Variants in NSUN6 observed in about 807,000 individuals in gnomAD.
NSUN6 encodes the protein NOP2/Sun RNA methyltransferase 6.
Under a neutral mutation model 58.0 loss-of-function variants are expected in NSUN6, and 64 were observed. The observed-to-expected ratio is 1.10, with a 90% CI of 0.90 to 1.36. The LOEUF (loss-of-function observed/expected upper bound fraction) is 1.36, where lower values mean the gene tolerates loss of function less well. Ranked by LOEUF, NSUN6 falls within the 40% of genes most tolerant of loss-of-function variation. The probability of loss-of-function intolerance (pLI) is 0.00; values close to 1 mark genes in which losing one functional copy is unlikely to be tolerated. For missense variants in NSUN6, 701 were observed against 550.1 expected, an observed-to-expected ratio of 1.27 and a Z score of -2.74; for synonymous variants, 231 against 193.9, an observed-to-expected ratio of 1.19 and a Z score of -1.59.
intron 8 of NSUN6, among the ~76,000 whole-genome samples, chr10:18,584,528 G>A (rs1459173639): frequency 6.6e-6 from 1 of 152,070 alleles, no homozygotes; most frequent in African/African-American, 2.4e-5. Context: ...ACAAACTTCA[G>A]AGAAACTTGT....
chr10:18,655,994 C>G (rs1590216925), upstream of NSUN6, among the ~76,000 whole-genome samples: 1 of 152,152 alleles, frequency 6.6e-6, no homozygotes, highest in Non-Finnish European at 1.5e-5. Flanking sequence ...TATGGCTTCT[C>G]TTTGTAAACA....
At chr10:18,580,067 A>C (rs2056837838) in intron 8 of NSUN6, among the ~76,000 whole-genome samples, 1 of 152,152 alleles carries the variant, frequency 6.6e-6, no homozygotes, top group Admixed American at 6.5e-5. Flanking sequence ...GTAATTTAGG[A>C]ACAATTTTGT....
chr10:18,602,319 C>T (rs1158683337), intron 6 of NSUN6, among the ~76,000 whole-genome samples: 1 of 151,474 alleles, frequency 6.6e-6, no homozygotes, highest in Admixed American at 6.6e-5. Flanking sequence ...TCTCGGCTCA[C>T]TGCAAGCTCC....
At chr10:18,556,324 G>A (rs558984327) in intron 8 of NSUN6, among the ~76,000 whole-genome samples, 315 of 151,434 alleles carry the variant, frequency 2.1e-3, no homozygotes, top group Non-Finnish European at 3.1e-3. Context: ...AGAATGGAAT[G>A]GGGAATGTAA....
chr10:18,639,445 G>C (rs975927631), intron 3 of NSUN6, among the ~76,000 whole-genome samples: 7 of 152,072 alleles, frequency 4.6e-5, no homozygotes, highest in African/African-American at 1.7e-4. Flanking sequence ...AGTGAACCAA[G>C]GTCACATCAC....
At chr10:18,608,855 C>T (rs894934911) in intron 6 of NSUN6, among the ~76,000 whole-genome samples, 1 of 152,032 alleles carries the variant, frequency 6.6e-6, no homozygotes, top group South Asian at 2.1e-4. Flanking sequence ...AATTAGCAAA[C>T]GAAAATTCCC....
chr10:18,655,653 G>A (rs772053663), upstream of NSUN6, among the ~76,000 whole-genome samples: 6 of 152,192 alleles, frequency 3.9e-5, no homozygotes, highest in Non-Finnish European at 8.8e-5. Flanking sequence ...TGGGACTGTA[G>A]TAAAGAGGGG....
chr10:18,627,397 A>G (rs909345654), intron 3 of NSUN6, among the ~76,000 whole-genome samples: 11 of 152,200 alleles, frequency 7.2e-5, no homozygotes, highest in Non-Finnish European at 1.3e-4. Context: ...GGGGAGAAAA[A>G]AGAATAAAAA....
intron 3 of NSUN6, among the ~76,000 whole-genome samples, chr10:18,624,619 G>T (rs1270607285): frequency 1.7e-4 from 23 of 138,036 alleles, no homozygotes; most frequent in Non-Finnish European, 2.3e-4. Context: ...CTGAACTTCA[G>T]CCTGGGAGAC....
Position 18,636,683 on chromosome 10 carries a change from G to C in NSUN6, c.311+5793C>G, listed in dbSNP as rs538955507. 9.5e-4 allele frequency among the ~76,000 whole-genome samples: 145 copies of C among 152,180 alleles called. 1 individual carries two copies. The highest frequency in any genetic ancestry group is 7.6e-4 in the Non-Finnish European group (52 of 68,002). On this transcript the variant is annotated intron_variant, in intron 3 of 10. Coordinates refer to ENST00000377304, the MANE Select transcript of NSUN6 (RefSeq NM_182543.5). ...TGGAGGCGGGCAGATCACAAGGTCA[G>C]GAGTTCGAGACCAGCCTGGCCAATA...
At chr10:18,577,471 G>A (rs781469013) in intron 8 of NSUN6, among the ~76,000 whole-genome samples, 3 of 152,010 alleles carry the variant, frequency 2.0e-5, no homozygotes, top group African/African-American at 7.3e-5. Context: ...GTCATATCAC[G>A]CATCCATGGG....
intron 7 of NSUN6, among the ~76,000 whole-genome samples, chr10:18,592,359 A>T (rs1310517663): frequency 6.6e-6 from 1 of 152,202 alleles, no homozygotes; most frequent in African/African-American, 2.4e-5. Flanking sequence ...TAGCAGAATT[A>T]GAAAAAAATA....
At chr10:18,649,350 C>T (rs2059638687) in intron 1 of NSUN6, among the ~76,000 whole-genome samples, 1 of 152,108 alleles carries the variant, frequency 6.6e-6, no homozygotes. Context: ...CTTCACAAAC[C>T]ACTTGTTAGC....
rs557162848 is a variant in NSUN6, at chr10:18,621,550, G to T, written c.312-5257C>A. On this transcript the variant is annotated intron_variant, in intron 3 of 10. Transcript: ENST00000377304. ...TACTAGGAAAACTAAAAGAGCAAAC[G>T]TAAAAGTTGGTGCAAGGCCATAAAA... is the stretch of plus-strand genomic sequence containing the variant. Among the ~76,000 whole-genome samples the T allele has an allele frequency of 1.1e-3, 167 of 152,228 alleles. 2 individuals carry two copies. Among genetic ancestry groups the T allele is most frequent in the Admixed American group, 3.7e-3 (56 of 15,294 alleles).
upstream of NSUN6, among the ~76,000 whole-genome samples, chr10:18,656,963 A>G (rs1297452432): frequency 2.0e-5 from 3 of 151,594 alleles, no homozygotes; most frequent in Non-Finnish European, 4.4e-5. Flanking sequence ...ATTAGTCGGG[A>G]CTACACATGT....
At chr10:18,627,881 A>AAG in intron 3 of NSUN6, among the ~76,000 whole-genome samples, 1 of 152,230 alleles carries the variant, frequency 6.6e-6, no homozygotes, top group African/African-American at 2.4e-5. Context: ...AGCAGCTAGG[A>AAG]AGCTCCAACT....
intron 8 of NSUN6, among the ~76,000 whole-genome samples, chr10:18,557,575 A>C (rs537875372): frequency 6.7e-6 from 1 of 149,664 alleles, no homozygotes; most frequent in Non-Finnish European, 1.5e-5. Flanking sequence ...GGACAGTGGA[A>C]TGAATGGAAT....
chr10:18,624,057 G>A (rs1158176843), intron 3 of NSUN6, among the ~76,000 whole-genome samples: 3 of 151,830 alleles, frequency 2.0e-5, no homozygotes, highest in African/African-American at 7.3e-5. Flanking sequence ...AAAAGCAGAA[G>A]GTAGATTTTA....
chr10:18,555,822 T>G (rs2054962507), intron 8 of NSUN6, among the ~76,000 whole-genome samples: 1 of 131,144 alleles, frequency 7.6e-6, no homozygotes, highest in African/African-American at 2.9e-5. Flanking sequence ...GAATGGAAAG[T>G]GGAATGAAAT....
Sources: allele counts gnomAD v4.1 joint callset (sites outside exome capture counted in the v4.1 genomes callset), GRCh38; gene constraint gnomAD v4.1.1; transcripts MANE v1.5; gene names NCBI Gene and HGNC (gene_info 2026-07-23, HGNC 2026-07-21).